SCPEP1: variants seen among roughly 807,000 people sequenced by gnomAD.
The protein encoded by SCPEP1 is retinoid-inducible serine carboxypeptidase.
SCPEP1 carries 51 observed loss-of-function variants against 63.8 expected under a neutral mutation model. The observed-to-expected ratio is 0.80, with a 90% CI of 0.64 to 1.01. The LOEUF is 1.01. Ranked by LOEUF, SCPEP1 falls within the 50% of genes least tolerant of loss-of-function variation. The pLI is 0.00. For synonymous variants in SCPEP1, 204 were observed against 207.8 expected, an observed-to-expected ratio of 0.98 and a Z score of 0.16; for missense variants, 499 against 554.9, an observed-to-expected ratio of 0.90 and a Z score of 1.01.
At chr17:57,005,847 C>T (rs115233087) in intron 12 of SCPEP1, among the ~76,000 whole-genome samples, 1 of 152,270 alleles carries the variant, frequency 6.6e-6, no homozygotes, top group African/African-American at 2.4e-5. Context: ...TTCCTTCTTC[C>T]TTGAACAGGC....
chr17:56,982,241 T>A (rs1039557361), intron 2 of SCPEP1, among the ~76,000 whole-genome samples: 4 of 151,840 alleles, frequency 2.6e-5, no homozygotes, highest in Non-Finnish European at 5.9e-5. Flanking sequence ...GGGCCCCTCA[T>A]CAGTAAATAG....
At chr17:56,995,117 T>C (rs888796567) in intron 7 of SCPEP1, 99 bp downstream of exon 7, 7 of 1,039,936 alleles carry the variant, frequency 6.7e-6, no homozygotes, top group Non-Finnish European at 1.0e-5. Context: ...TTTGCCTATG[T>C]GGTTGACACT....
intron 9 of SCPEP1, 39 bp downstream of exon 9, chr17:56,997,094 C>T: frequency 7.9e-7 from 1 of 1,262,232 alleles, no homozygotes; most frequent in South Asian, 1.5e-5. Context: ...CCTGCCTCAG[C>T]CTCCATGCAA....
At position 57,000,458 on chromosome 17, in the gene SCPEP1, C is replaced by T. The variant is rs142629943; in HGVS notation, c.995-397C>T. Among the ~76,000 whole-genome samples, 14 of 152,286 alleles carry T rather than the reference C, an allele frequency of 9.2e-5. No homozygotes were observed. The East Asian group carries it at 1.4e-3, about 15-fold the overall frequency. ...ATAAGGTAGGCCTACCTGTTCAGAA[C>T]TTGAAACTTGGCCCTGGTGTTACTC... On this transcript the variant is annotated intron_variant, in intron 10 of 12. Coordinates refer to ENST00000262288, the MANE Select transcript of SCPEP1 (RefSeq NM_021626.3).
chr17:56,990,451 C>T (rs1911359729), intron 5 of SCPEP1, among the ~76,000 whole-genome samples: 1 of 152,156 alleles, frequency 6.6e-6, no homozygotes, highest in Non-Finnish European at 1.5e-5. Context: ...TTCACCTTCC[C>T]ACCTGATGGA....
chr17:56,978,213 G>A lies in SCPEP1; in HGVS notation c.54G>A (p.Pro18=). The A allele has an allele frequency of 3.2e-6, 5 of 1,557,986 alleles. No homozygotes were observed. The highest frequency in any genetic ancestry group is 4.3e-6 in the Non-Finnish European group (5 of 1,157,482). ...SPVPRWLLLL[P]LLLGLNAGAV... ...TCCCGCGGTGGTTGCTGCTGCTGCC[G>A]CTGCTGCTGGGCCTGAACGCAGGTA... Residue 18 remains proline, a synonymous_variant, in exon 1 of 13, where the codon CCG becomes CCA. Coordinates refer to ENST00000262288, the MANE Select transcript of SCPEP1 (RefSeq NM_021626.3).
intron 1 of SCPEP1, 74 bp from the exon 2 acceptor site, chr17:56,981,008 T>C: frequency 2.0e-6 from 3 of 1,523,472 alleles, no homozygotes; most frequent in Non-Finnish European, 2.7e-6. Flanking sequence ...CTAGCATGGC[T>C]GTCTCTACCA....
intron 6 of SCPEP1, among the ~76,000 whole-genome samples, chr17:56,993,857 C>T (rs1911469570): frequency 1.3e-5 from 2 of 152,230 alleles, no homozygotes; most frequent in African/African-American, 4.8e-5. Flanking sequence ...CTATCTGTCC[C>T]TTTACAGAAA....
intron 2 of SCPEP1, chr17:56,985,012 G>C: frequency 4.1e-6 from 1 of 245,924 alleles, no homozygotes; most frequent in Non-Finnish European, 8.0e-6. Context: ...GGCTGAGGCG[G>C]GAGGATCACT....
chr17:56,991,272 T>A lies in SCPEP1; in HGVS notation c.619+101T>A. ...CAGATCAAAGAGCTAAGCAGGAGAA[T>A]GTTCTGGGCCCTTAGAGAAAGTGTT... On this transcript the variant is annotated intron_variant, in intron 6 of 12. Transcript: ENST00000262288. 3.3e-6 allele frequency: 3 copies of A among 910,464 alleles called. No homozygotes were observed. In the Admixed American group the frequency reaches 5.2e-5, roughly 16 times the overall value. The allele number at this position is 910,464 out of a possible 1,614,324, so 56.4% of individuals were successfully genotyped here. A position where few individuals can be genotyped will look rare whatever the true frequency, so the allele number is the denominator to read the frequency against.
chr17:56,995,840 G>A, intron 8 of SCPEP1: 3 of 309,826 alleles, frequency 9.7e-6, no homozygotes, highest in Non-Finnish European at 1.1e-5. Context: ...AGGCCTGCAA[G>A]ACTTGCTTGT....
chr17:56,997,144 A>G (rs1434548594), intron 9 of SCPEP1, 89 bp downstream of exon 9: 3 of 797,706 alleles, frequency 3.8e-6, no homozygotes, highest in African/African-American at 1.8e-5. Flanking sequence ...AACTTTATTA[A>G]CATATAATTT....
At position 56,985,391 on chromosome 17, in the gene SCPEP1, G is replaced by A. The variant is rs377266870; in HGVS notation, c.239G>A (p.Gly80Asp). Residue 80 changes from glycine (G) to aspartate (D), a missense_variant, in exon 3 of 13, where the codon GGT (glycine) becomes GAT (aspartate). By Grantham distance (94) the Gly-to-Asp change is moderately conservative. Coordinates refer to ENST00000262288, the MANE Select transcript of SCPEP1 (RefSeq NM_021626.3). ...TCTCTTCCATAGGGCGGTCCAGGCGGTTCTAGCACTGGATTTGGAAACTTT... is the reference window on the plus strand; with the variant it reads ...TCTCTTCCATAGGGCGGTCCAGGCGATTCTAGCACTGGATTTGGAAACTTT... ...LVMWLQGGPG[G>D]SSTGFGNFEE... 1.2e-5 allele frequency: 19 copies of A among 1,614,112 alleles called. No individual in the cohort carries two copies. The African/African-American group carries it at 2.0e-4, about 17-fold the overall frequency.
At chr17:57,000,727 CCT>C in intron 10 of SCPEP1, 126 bp from the exon 11 acceptor site, 1 of 1,092,828 alleles carries the variant, frequency 9.2e-7, no homozygotes, top group Non-Finnish European at 1.4e-6. Flanking sequence ...CTGGTTCATC[CCT>C]GTTTGTGAAG....
chr17:56,989,266 T>C (rs1486126418), intron 5 of SCPEP1, among the ~76,000 whole-genome samples: 1 of 152,158 alleles, frequency 6.6e-6, no homozygotes, highest in African/African-American at 2.4e-5. Context: ...AGAAGAAATA[T>C]AAACAGCCTT....
chr17:57,001,057 C>G, intron 11 of SCPEP1, 65 bp downstream of exon 11: 1 of 1,554,706 alleles, frequency 6.4e-7, no homozygotes, highest in Non-Finnish European at 8.9e-7. Context: ...GGGAACTGGC[C>G]TTGGACATGT....
chr17:56,993,746 C>T (rs1341484129), intron 6 of SCPEP1, among the ~76,000 whole-genome samples: 3 of 152,148 alleles, frequency 2.0e-5, no homozygotes, highest in South Asian at 2.1e-4. Flanking sequence ...CGCACCCAGC[C>T]GGTAAAAGTT....
At chr17:57,001,222 A>G (rs1417911765) in intron 11 of SCPEP1, among the ~76,000 whole-genome samples, 2 of 152,164 alleles carry the variant, frequency 1.3e-5, no homozygotes, top group African/African-American at 2.4e-5. Context: ...GCCCTTAGGT[A>G]TGATTAAAGA....
In SCPEP1 at chr17:57,000,961, T is replaced by C. The variant is rs1463805822; in HGVS notation, c.1101T>C (p.Asn367=). 2 of 1,614,128 alleles carry C rather than the reference T, an allele frequency of 1.2e-6. No homozygotes were observed. Among genetic ancestry groups the C allele is most frequent in the African/African-American group, 1.3e-5 (1 of 75,038 alleles). The part of the protein sequence containing the change: ...LEAGINVTVY[N]GQLDLIVDTM... ...CAGGGATCAACGTGACGGTGTATAA[T>C]GGACAGCTGGATCTCATCGTAGATA... Residue 367 remains asparagine (N), a synonymous_variant, in exon 11 of 13, where the codon AAT becomes AAC. Coordinates refer to ENST00000262288, the MANE Select transcript of SCPEP1 (RefSeq NM_021626.3).
Sources: allele counts gnomAD v4.1 joint callset (sites outside exome capture counted in the v4.1 genomes callset), GRCh38; gene constraint gnomAD v4.1.1; transcripts MANE v1.5; gene names NCBI Gene and HGNC (gene_info 2026-07-23, HGNC 2026-07-21).